Variants in FIG4 observed in about 807,000 individuals in gnomAD.
FIG4 encodes the protein FIG4 phosphoinositide 5-phosphatase.
In FIG4, 112 loss-of-function variants were observed where a neutral mutation model predicts 118.6. That is an observed-to-expected ratio of 0.94 (90% CI 0.81 to 1.11). The LOEUF is 1.11. Ranked by LOEUF, FIG4 falls within the 50% of genes least tolerant of loss-of-function variation. The probability of loss-of-function intolerance (pLI) is 0.00; values close to 1 mark genes in which losing one functional copy is unlikely to be tolerated. For synonymous variants in FIG4, 369 were observed against 381.2 expected, an observed-to-expected ratio of 0.97 and a Z score of 0.37; for missense variants, 969 against 1,111.7, an observed-to-expected ratio of 0.87 and a Z score of 1.83.
At chr6:109,759,039 G>A (rs968461151) in intron 10 of FIG4, among the ~76,000 whole-genome samples, 4 of 152,202 alleles carry the variant, frequency 2.6e-5, no homozygotes, top group African/African-American at 9.6e-5. Context: ...AGACAGTGTG[G>A]TGATTCCTCA....
chr6:109,801,501 T>C (rs1253434687), intron 22 of FIG4, among the ~76,000 whole-genome samples: 2 of 152,134 alleles, frequency 1.3e-5, no homozygotes, highest in Non-Finnish European at 2.9e-5. Context: ...TGAGCCGAGA[T>C]TGTGACACTG....
chr6:109,793,951 CTG>C (rs1778208068), intron 21 of FIG4, among the ~76,000 whole-genome samples: 1 of 152,212 alleles, frequency 6.6e-6, no homozygotes. Flanking sequence ...TGTCAGAACT[CTG>C]TAGCCAAACT....
chr6:109,776,759 T>C (rs1777629218), intron 15 of FIG4, among the ~76,000 whole-genome samples, 163 bp from the exon 16 acceptor site: 1 of 152,238 alleles, frequency 6.6e-6, no homozygotes, highest in African/African-American at 2.4e-5. Context: ...TTAATTCTGC[T>C]CCAAATCTTG....
intron 1 of FIG4, among the ~76,000 whole-genome samples, chr6:109,708,236 T>C (rs1775148927): frequency 6.6e-6 from 1 of 152,222 alleles, no homozygotes. Context: ...CAGTATTTGG[T>C]TTTTTGTTTT....
At position 109,743,752 on chromosome 6, in the gene FIG4, A is replaced by G. The variant is rs764124479; in HGVS notation, c.1117A>G (p.Ile373Val). Reference sequence around the variant, plus strand: ...GTTCCAGAGGTTTGGCTCTCCCATCATCATCTTGAATTTAGTGAAGGTATG... The same window carrying G: ...GTTCCAGAGGTTTGGCTCTCCCATCGTCATCTTGAATTTAGTGAAGGTATG... ...QMFQRFGSPI[I>V]ILNLVKEREK... The change falls in exon 10 of 23, where the codon ATC becomes GTC. Residue 373 changes from isoleucine to valine, a missense_variant. Transcript: ENST00000230124. 7.4e-6 allele frequency: 12 copies of G among 1,612,158 alleles called. No individual in the cohort carries two copies. In the South Asian group the frequency reaches 1.1e-4, roughly 15 times the overall value.
intron 1 of FIG4, among the ~76,000 whole-genome samples, chr6:109,692,623 C>T (rs1424465922): frequency 6.6e-6 from 1 of 152,118 alleles, no homozygotes; most frequent in Non-Finnish European, 1.5e-5. Flanking sequence ...AAAGAAGTAT[C>T]ATTTGTCATT....
At chr6:109,818,189 G>A (rs1325449286) in intron 22 of FIG4, among the ~76,000 whole-genome samples, 2 of 151,766 alleles carry the variant, frequency 1.3e-5, no homozygotes, top group Non-Finnish European at 2.9e-5. Flanking sequence ...AGATGGAGAC[G>A]CTATTCACAT....
chr6:109,715,208 A>G, intron 2 of FIG4, 32 bp downstream of exon 2: 1 of 1,098,612 alleles, frequency 9.1e-7, no homozygotes, highest in Non-Finnish European at 1.4e-6. Flanking sequence ...CTGCAAAAAA[A>G]CTTTCATACC....
At chr6:109,790,599 A>C (rs766533835) in intron 19 of FIG4, among the ~76,000 whole-genome samples, 1 of 152,232 alleles carries the variant, frequency 6.6e-6, no homozygotes, top group Non-Finnish European at 1.5e-5. Flanking sequence ...TGGTCACATA[A>C]AATTGCATTT....
At chr6:109,810,880 G>A (rs1192929491) in intron 22 of FIG4, among the ~76,000 whole-genome samples, 2 of 152,192 alleles carry the variant, frequency 1.3e-5, no homozygotes, top group African/African-American at 4.8e-5. Context: ...AGTTCCCTCA[G>A]TATCAGAAAG....
Position 109,760,317 on chromosome 6 carries a change from A to G in FIG4, c.1205A>G (p.Asn402Ser). Residue 402 changes from asparagine to serine, a missense_variant, in exon 11 of 23, where the codon AAC becomes AGC. Around this residue, in one of 3 missense-constraint regions of FIG4, gnomAD observed 246 missense variants for 354.3 expected, o/e 0.69. Transcript: ENST00000230124. ...CTTGTTGCTGCTGTGACCTATCTCA[A>G]CCAATTTTTGCCTCCTGAGCACACT... ...EELVAAVTYL[N>S]QFLPPEHTIV... 1 of 1,613,430 alleles carries G rather than the reference A, an allele frequency of 6.2e-7. No individual in the cohort carries two copies. Among genetic ancestry groups the G allele is most frequent in the Non-Finnish European group, 8.5e-7 (1 of 1,179,402 alleles).
Position 109,743,225 on chromosome 6 carries a change from A to G in FIG4, c.992A>G (p.Tyr331Cys). 1.9e-6 allele frequency: 3 copies of G among 1,612,972 alleles called. No homozygotes were observed. The highest frequency in any genetic ancestry group is 2.2e-5 in the South Asian group (2 of 91,072). Reference sequence around the variant, plus strand: ...CAAGTTAGAGGATCTGTGCCCTTATACTGGTCTCAGGACATTTCAACTATG... The same window carrying G: ...CAAGTTAGAGGATCTGTGCCCTTATGCTGGTCTCAGGACATTTCAACTATG... ...YVQVRGSVPL[Y>C]WSQDISTMMP... is the part of the protein sequence containing the mutation. Residue 331 changes from tyrosine (Y) to cysteine (C), a missense_variant, in exon 9 of 23, where the codon TAC becomes TGC. Coordinates refer to ENST00000230124, the MANE Select transcript of FIG4 (RefSeq NM_014845.6).
At chr6:109,719,323 C>G (rs74607155) in intron 3 of FIG4, among the ~76,000 whole-genome samples, 1 of 151,726 alleles carries the variant, frequency 6.6e-6, no homozygotes, top group Non-Finnish European at 1.5e-5. Context: ...TTAAATGTAA[C>G]GAAGTGAAAA....
chr6:109,774,740 T>G (rs1777568584), intron 15 of FIG4, among the ~76,000 whole-genome samples: 1 of 152,154 alleles, frequency 6.6e-6, no homozygotes, highest in Middle Eastern at 3.2e-3. Flanking sequence ...TTTTGAAAAT[T>G]GTGTGTACCT....
intron 22 of FIG4, among the ~76,000 whole-genome samples, chr6:109,817,828 G>A (rs544136488): frequency 1.3e-5 from 2 of 152,190 alleles, no homozygotes; most frequent in African/African-American, 4.8e-5. Context: ...GGCTGGTGCT[G>A]GATTTCTTTA....
At chr6:109,755,032 G>A (rs556023089) in intron 10 of FIG4, among the ~76,000 whole-genome samples, 69 of 152,036 alleles carry the variant, frequency 4.5e-4, no homozygotes, top group African/African-American at 1.6e-3. Context: ...TGATGTTAGG[G>A]TGTCAATTTT....
chr6:109,739,707 G>C (rs1184632051), intron 7 of FIG4, among the ~76,000 whole-genome samples: 1 of 151,956 alleles, frequency 6.6e-6, no homozygotes, highest in Non-Finnish European at 1.5e-5. Flanking sequence ...GGCCCCCCTT[G>C]GTACTTGGAA....
intron 22 of FIG4, among the ~76,000 whole-genome samples, chr6:109,824,593 G>A (rs1779104252): frequency 6.6e-6 from 1 of 152,244 alleles, no homozygotes; most frequent in Non-Finnish European, 1.5e-5. Flanking sequence ...AGTACGCTAA[G>A]TGAACACTTT....
intron 21 of FIG4, among the ~76,000 whole-genome samples, chr6:109,795,444 A>G (rs1325818144): frequency 3.9e-5 from 6 of 152,118 alleles, no homozygotes; most frequent in Non-Finnish European, 7.4e-5. Flanking sequence ...TAATGATACA[A>G]TAATTGGTAG....
Sources: allele counts gnomAD v4.1 joint callset (sites outside exome capture counted in the v4.1 genomes callset), GRCh38; gene constraint gnomAD v4.1.1; regional missense constraint gnomAD v4.1.1; transcripts MANE v1.5; gene names NCBI Gene and HGNC (gene_info 2026-07-23, HGNC 2026-07-21).